The following GAL3ST4 variants were observed in gnomAD, a reference collection of about 807,000 sequenced individuals.
The protein encoded by GAL3ST4 is beta-galactose-3-O-sulfotransferase 4.
GAL3ST4 carries 30 observed loss-of-function variants against 31.6 expected under a neutral mutation model. The observed-to-expected ratio is 0.95, with a 90% CI of 0.71 to 1.29. The LOEUF is 1.29. Ranked by LOEUF, GAL3ST4 falls within the 50% of genes most tolerant of loss-of-function variation. The pLI is 0.00. For synonymous variants in GAL3ST4, 248 were observed against 256.9 expected, an observed-to-expected ratio of 0.97 and a Z score of 0.33; for missense variants, 629 against 625.2, an observed-to-expected ratio of 1.01 and a Z score of -0.06.
chr7:100,168,426 C>G lies in GAL3ST4; in HGVS notation c.-189+120G>C, dbSNP rs1037640438. On this transcript the variant is annotated intron_variant, in intron 1 of 3. Coordinates refer to ENST00000360039, the MANE Select transcript of GAL3ST4 (RefSeq NM_024637.5). The surrounding 1 kb of genome is among the most constrained non-coding windows in gnomAD (Gnocchi z 4.1). ...GATTGGAGATCCCAGCCCTCTGTCC[C>G]CTCCAGCTTTGGTGACTGCCCAGTT... The G allele has an allele frequency of 6.5e-6, 1 of 152,800 alleles. No homozygotes were observed. Among genetic ancestry groups the G allele is most frequent in the Non-Finnish European group, 1.5e-5 (1 of 68,442 alleles). 9.5% of individuals were successfully genotyped at this position (152,800 alleles called of 1,614,324 possible).
chr7:100,159,569 A>C lies in GAL3ST4; in HGVS notation c.*359T>G. On this transcript the variant is annotated 3_prime_UTR_variant, in exon 4 of 4. Coordinates refer to ENST00000360039, the MANE Select transcript of GAL3ST4 (RefSeq NM_024637.5). Reference sequence around the variant, plus strand: ...GAATCCCTGTCTCTAAAAATATAAAAATTAGCCGGGTATGGTGGCACGTAT... The same window carrying C: ...GAATCCCTGTCTCTAAAAATATAAACATTAGCCGGGTATGGTGGCACGTAT... 5.6e-6 allele frequency: 1 copy of C among 180,138 alleles called. No homozygotes were observed. Among genetic ancestry groups the C allele is most frequent in the Non-Finnish European group, 1.2e-5 (1 of 84,412 alleles). The allele number at this position is 180,138 out of a possible 1,614,324, so 11.2% of individuals were successfully genotyped here.
intron 3 of GAL3ST4, among the ~76,000 whole-genome samples, chr7:100,162,618 G>A (rs1200195643): frequency 3.0e-5 from 4 of 133,712 alleles, no homozygotes; most frequent in Non-Finnish European, 6.5e-5. Context: ...GGGAGGGGAG[G>A]GGAGGGGGGA....
intron 1 of GAL3ST4, chr7:100,167,946 C>G (rs1193516606): frequency 1.3e-5 from 2 of 152,104 alleles, no homozygotes; most frequent in East Asian, 3.9e-4. Flanking sequence ...CCAACCTTAT[C>G]AGTGCACCCG....
At chr7:100,163,466 G>A (rs1418820684) in intron 3 of GAL3ST4, among the ~76,000 whole-genome samples, 1 of 147,438 alleles carries the variant, frequency 6.8e-6, no homozygotes, top group Non-Finnish European at 1.5e-5. Flanking sequence ...ATAGCAGCCT[G>A]TGAACTCTCT....
Position 100,160,365 on chromosome 7 carries a change from T to G in GAL3ST4, c.1024A>C (p.Thr342Pro), listed in dbSNP as rs1798978508. 1 of 1,613,968 alleles carries G rather than the reference T, an allele frequency of 6.2e-7. No individual in the cohort carries two copies. The highest frequency in any genetic ancestry group is 1.3e-5 in the African/African-American group (1 of 74,934). The change falls in exon 4 of 4, where the codon ACT becomes CCT. Residue 342 changes from threonine (T) to proline (P), a missense_variant. By Grantham distance (38) the Thr-to-Pro change is conservative. Coordinates refer to ENST00000360039, the MANE Select transcript of GAL3ST4 (RefSeq NM_024637.5). The part of the protein sequence containing the change: ...AQAGHKQGLS[T>P]VSNSGLTAED... The stretch of plus-strand genomic sequence containing the variant: ...GCAGTCAGTCCACTGTTGCTGACAG[T>G]GCTGAGGCCCTGCTTATGTCCAGCC...
At chr7:100,161,556 C>T (rs1463996443) in intron 3 of GAL3ST4, among the ~76,000 whole-genome samples, 1 of 150,412 alleles carries the variant, frequency 6.6e-6, no homozygotes, top group East Asian at 2.0e-4. Context: ...GAGGCTGAGG[C>T]AGGAGAATTG....
intron 2 of GAL3ST4, 72 bp downstream of exon 2, chr7:100,166,899 C>T (rs1799083835): frequency 1.3e-6 from 2 of 1,559,802 alleles, no homozygotes; most frequent in South Asian, 1.2e-5. Context: ...TCAGGAGTCA[C>T]CAGCCCCAGG....
Position 100,160,827 on chromosome 7 carries a change from A to G in GAL3ST4, c.562T>C (p.Phe188Leu). ...AFRKSPSLAA[F>L]LANPRGFYRP... ...TAGAAGCCTCGAGGATTGGCCAGGA[A>G]GGCAGCCAAAGATGGTGACTTGCGG... The change falls in exon 4 of 4, where the codon TTC becomes CTC. Residue 188 changes from phenylalanine (F) to leucine (L), a missense_variant. By Grantham distance (22) the Phe-to-Leu change is conservative. Coordinates refer to ENST00000360039, the MANE Select transcript of GAL3ST4 (RefSeq NM_024637.5). 1 of 1,614,234 alleles carries G rather than the reference A, an allele frequency of 6.2e-7. No homozygotes were observed. The highest frequency in any genetic ancestry group is 8.5e-7 in the Non-Finnish European group (1 of 1,180,036).
chr7:100,164,347 C>T (rs185315364), intron 3 of GAL3ST4, among the ~76,000 whole-genome samples: 1 of 152,264 alleles, frequency 6.6e-6, no homozygotes, highest in East Asian at 1.9e-4. Context: ...TTACCACAAG[C>T]CACATCCACC....
intron 3 of GAL3ST4, among the ~76,000 whole-genome samples, chr7:100,163,230 A>G (rs1413852720): frequency 1.3e-5 from 2 of 152,184 alleles, no homozygotes; most frequent in Admixed American, 1.3e-4. Context: ...GCCTGGTAGG[A>G]TGCTGCCCTG....
intron 3 of GAL3ST4, among the ~76,000 whole-genome samples, chr7:100,164,413 C>T (rs1054587362): frequency 3.3e-5 from 5 of 152,164 alleles, no homozygotes; most frequent in African/African-American, 1.2e-4. Context: ...ACCTGGAATC[C>T]CAGCATTTTG....
At chr7:100,166,323 A>G (rs974461004) in intron 3 of GAL3ST4, among the ~76,000 whole-genome samples, 179 bp downstream of exon 3, 1 of 152,108 alleles carries the variant, frequency 6.6e-6, no homozygotes, top group Non-Finnish European at 1.5e-5. Context: ...GCTCCCAGAA[A>G]CTACTGGGGA....
At chr7:100,162,663 CG>C (rs1248285670) in intron 3 of GAL3ST4, among the ~76,000 whole-genome samples, 3 of 110,840 alleles carry the variant, frequency 2.7e-5, no homozygotes, top group Non-Finnish European at 5.4e-5. Flanking sequence ...AGAGGCTTGT[CG>C]GGGTCAGGGG....
Position 100,159,877 on chromosome 7 carries a change from A to G in GAL3ST4, c.*51T>C. On this transcript the variant is annotated 3_prime_UTR_variant, in exon 4 of 4. Transcript: ENST00000360039. Reference sequence around the variant, plus strand: ...CATCTTGCTGCCCCCCACTCATCACATGTGCCCTTCAAACATGGCTGCTCT... The same window carrying G: ...CATCTTGCTGCCCCCCACTCATCACGTGTGCCCTTCAAACATGGCTGCTCT... 1 of 1,452,770 alleles carries G rather than the reference A, an allele frequency of 6.9e-7. No individual in the cohort carries two copies. The allele number at this position is 1,452,770 out of a possible 1,614,324, so 90.0% of individuals were successfully genotyped here.
rs760413488 is a variant in GAL3ST4, at chr7:100,166,743, C to T, written c.188G>A (p.Cys63Tyr). The change falls in exon 3 of 4, where the codon TGC becomes TAC. Residue 63 changes from cysteine to tyrosine, a missense_variant. By Grantham distance (194) the Cys-to-Tyr change is radical. Transcript: ENST00000360039. ...APSLRPALPS[C>Y]PPRQRLVFLK... The stretch of plus-strand genomic sequence containing the variant: ...GAACACCAGTCGCTGCCGGGGTGGG[C>T]AGGACGGAAGGGCTGGTCGTAGGGA... The T allele has an allele frequency of 6.2e-7, 1 of 1,613,760 alleles. No homozygotes were observed. The highest frequency in any genetic ancestry group is 2.2e-5 in the East Asian group (1 of 44,872).
At position 100,159,875 on chromosome 7, in the gene GAL3ST4, A is replaced by C. The variant is rs1798966740; in HGVS notation, c.*53T>G. ...GGCATCTTGCTGCCCCCCACTCATC[A>C]CATGTGCCCTTCAAACATGGCTGCT... On this transcript the variant is annotated 3_prime_UTR_variant, in exon 4 of 4. Coordinates refer to ENST00000360039, the MANE Select transcript of GAL3ST4 (RefSeq NM_024637.5). 1 of 1,434,262 alleles carries C rather than the reference A, an allele frequency of 7.0e-7. No homozygotes were observed. The highest frequency in any genetic ancestry group is 2.3e-5 in the East Asian group (1 of 43,738). 88.8% of individuals were successfully genotyped at this position (1,434,262 alleles called of 1,614,324 possible).
At chr7:100,161,071 C>A in intron 3 of GAL3ST4, 112 bp from the exon 4 acceptor site, 2 of 889,246 alleles carry the variant, frequency 2.2e-6, no homozygotes, top group African/African-American at 1.7e-5. Flanking sequence ...CTCCTCCCAG[C>A]TCTGCTAGGA....
Position 100,167,297 on chromosome 7 carries a change from G to T in GAL3ST4, c.-188-14C>A. The T allele has an allele frequency of 7.6e-7, 1 of 1,309,002 alleles. No homozygotes were observed. The highest frequency in any genetic ancestry group is 1.5e-5 in the South Asian group (1 of 65,634). 81.1% of individuals were successfully genotyped at this position (1,309,002 alleles called of 1,614,324 possible). On this transcript the variant is annotated splice_polypyrimidine_tract_variant and intron_variant, in intron 1 of 3. Coordinates refer to ENST00000360039, the MANE Select transcript of GAL3ST4 (RefSeq NM_024637.5). ...CTCTGTCAGCGTCTAGAAGGGAAAT[G>T]AGGGGGGAAGAAGGGAAGTCTAAGG... is the stretch of plus-strand genomic sequence containing the variant.
At chr7:100,166,879 TTC>T (rs1799083737) in intron 2 of GAL3ST4, 74 bp from the exon 3 acceptor site, 1 of 1,549,632 alleles carries the variant, frequency 6.5e-7, no homozygotes, top group African/African-American at 1.4e-5. Flanking sequence ...GCATGGAGGC[TTC>T]TGAGTCCTCA....
Sources: gnomAD v4.1 joint callset for allele counts (sites outside exome capture counted in the v4.1 genomes callset) on GRCh38, gnomAD v4.1.1 for gene constraint, Gnocchi (gnomAD v3.1) non-coding constraint, MANE v1.5 for transcripts, NCBI Gene and HGNC (gene_info 2026-07-23, HGNC 2026-07-21) for gene names.